GGA2: variants seen among roughly 807,000 people sequenced by gnomAD.
The protein encoded by GGA2 is golgi associated, gamma adaptin ear containing, ARF binding protein 2, also known as ADP-ribosylation factor-binding protein GGA2.
Under a neutral mutation model 79.5 loss-of-function variants are expected in GGA2, and 48 were observed. The observed-to-expected ratio is 0.60, with a 90% CI of 0.48 to 0.77. The LOEUF is 0.77. GGA2 is among the 30% of genes least tolerant of loss of function. GGA2 has a pLI of 0.00. For missense variants in GGA2, 770 were observed against 774.0 expected, an observed-to-expected ratio of 0.99 and a Z score of 0.06; for synonymous variants, 317 against 302.0, an observed-to-expected ratio of 1.05 and a Z score of -0.51.
At position 23,473,098 on chromosome 16, in the gene GGA2, TAA is replaced by T. The variant is rs368528042; in HGVS notation, c.1450+1804_1450+1805del. 3.1e-4 allele frequency among the ~76,000 whole-genome samples: 47 copies of T among 150,174 alleles called. 1 individual carries two copies. The East Asian group carries it at 4.1e-3, about 13-fold the overall frequency. ...CTCTACTTAATAGTGCATATATATA[TAA>T]GTTCATTAAAAATCAAGTTTTTAAA... On this transcript the variant is annotated intron_variant, in intron 14 of 16. Transcript: ENST00000309859.
chr16:23,491,544 A>C lies in GGA2; in HGVS notation c.475+133T>G, dbSNP rs1286615999. 30 of 576,468 alleles carry C rather than the reference A, an allele frequency of 5.2e-5. No individual in the cohort carries two copies. The Admixed American group carries it at 6.0e-4, about 12-fold the overall frequency. 35.7% of individuals were successfully genotyped at this position (576,468 alleles called of 1,614,324 possible). A position where few individuals can be genotyped will look rare whatever the true frequency, so the allele number is the denominator to read the frequency against. On this transcript the variant is annotated intron_variant, in intron 5 of 16. Coordinates refer to ENST00000309859, the MANE Select transcript of GGA2 (RefSeq NM_015044.4). ...GATTTATTGCGTAAAAAAAAAAAAAAAAAACTCTACCTCAGTGTCTATGGT... is the reference window on the plus strand; with the variant it reads ...GATTTATTGCGTAAAAAAAAAAAAACAAAACTCTACCTCAGTGTCTATGGT...
At chr16:23,514,407 C>T (rs969135520), upstream of GGA2, among the ~76,000 whole-genome samples, 5 of 151,850 alleles carry the variant, frequency 3.3e-5, no homozygotes, top group African/African-American at 4.8e-5. Flanking sequence ...TGTGCCCGGC[C>T]TGTAAAACTT....
At chr16:23,501,754 G>T (rs8061917) in intron 1 of GGA2, 3,971 of 157,988 alleles carry the variant, frequency 0.025, 82 homozygotes, top group African/African-American at 0.058. Context: ...AACAAAATTA[G>T]GATTTTCTTT....
At chr16:23,510,258 G>T in intron 1 of GGA2, 63 bp downstream of exon 1, 1 of 1,101,126 alleles carries the variant, frequency 9.1e-7, no homozygotes, top group Non-Finnish European at 1.2e-6. Context: ...GGCCCCGGGA[G>T]GCGGGAAGCG....
rs150778480 is a variant in GGA2 at position 23,479,282 on chromosome 16, A to T, written c.1130-371T>A. ...CAGGCATGTGCTTCCTGAGGAGACCAGCTCACTCCCCTACTCAGAACCCTG... is the reference window on the plus strand; with the variant it reads ...CAGGCATGTGCTTCCTGAGGAGACCTGCTCACTCCCCTACTCAGAACCCTG... On this transcript the variant is annotated intron_variant, in intron 11 of 16. Coordinates refer to ENST00000309859, the MANE Select transcript of GGA2 (RefSeq NM_015044.4). 8.7e-5 allele frequency among the ~76,000 whole-genome samples: 13 copies of T among 149,520 alleles called. No homozygotes were observed. The East Asian group carries it at 2.6e-3, about 30-fold the overall frequency.
chr16:23,491,273 C>A (rs1318392916), intron 5 of GGA2, among the ~76,000 whole-genome samples: 1 of 139,022 alleles, frequency 7.2e-6, no homozygotes, highest in Non-Finnish European at 1.5e-5. Context: ...CACCACTGTG[C>A]TCCAGCCTAG....
upstream of GGA2, among the ~76,000 whole-genome samples, chr16:23,513,783 C>CAAAAAAAAAAAAA (rs754377361): frequency 2.1e-5 from 1 of 47,132 alleles, no homozygotes; most frequent in African/African-American, 6.1e-5. Context: ...GACTCTGTCT[C>CAAAAAAAAAAAAA]AAAAAAAAAA....
intron 14 of GGA2, among the ~76,000 whole-genome samples, chr16:23,473,232 C>T (rs1964535838): frequency 6.8e-6 from 1 of 146,590 alleles, no homozygotes; most frequent in South Asian, 2.2e-4. Flanking sequence ...ACTGTATGTA[C>T]ATATATATGT....
chr16:23,517,626 C>T (rs1222032693), intron 2 of GGA2, among the ~76,000 whole-genome samples: 1 of 152,188 alleles, frequency 6.6e-6, no homozygotes, highest in East Asian at 1.9e-4. Context: ...CTGACTCCTA[C>T]TCTTGGTCCA....
intron 13 of GGA2, among the ~76,000 whole-genome samples, chr16:23,477,845 T>C (rs1437092658): frequency 1.3e-5 from 2 of 152,176 alleles, no homozygotes; most frequent in Non-Finnish European, 2.9e-5. Flanking sequence ...TAAACCTCTT[T>C]TTGTTTTTAA....
At chr16:23,495,471 A>AAT in intron 2 of GGA2, 1 of 349,908 alleles carries the variant, frequency 2.9e-6, no homozygotes, top group East Asian at 4.2e-5. Context: ...CTGCATTTCT[A>AAT]TTTTTTTGAG....
At chr16:23,489,648 A>G (rs1332042449) in intron 5 of GGA2, among the ~76,000 whole-genome samples, 1 of 152,242 alleles carries the variant, frequency 6.6e-6, no homozygotes, top group Non-Finnish European at 1.5e-5. Flanking sequence ...GGCAATACCA[A>G]TAGTAACAAC....
chr16:23,498,696 T>C (rs1964885371), intron 1 of GGA2, among the ~76,000 whole-genome samples: 2 of 152,244 alleles, frequency 1.3e-5, no homozygotes, highest in African/African-American at 4.8e-5. Flanking sequence ...GGATAATTGT[T>C]TATTATTACG....
intron 1 of GGA2, among the ~76,000 whole-genome samples, chr16:23,501,841 G>A (rs1209012509): frequency 6.6e-6 from 1 of 152,196 alleles, no homozygotes; most frequent in Admixed American, 6.5e-5. Flanking sequence ...ATGGTGGTAT[G>A]AACAGTGGGT....
At chr16:23,509,424 C>A (rs1056317422) in intron 1 of GGA2, among the ~76,000 whole-genome samples, 1 of 152,134 alleles carries the variant, frequency 6.6e-6, no homozygotes, top group East Asian at 1.9e-4. Context: ...ACAGGTGAAA[C>A]GAACGCCCTC....
intron 5 of GGA2, among the ~76,000 whole-genome samples, chr16:23,491,317 A>AC (rs1964783244): frequency 6.6e-6 from 1 of 151,380 alleles, no homozygotes; most frequent in African/African-American, 2.4e-5. Context: ...AAAAAAAAAA[A>AC]AAAAAAAAAA....
Position 23,478,451 on chromosome 16 carries a change from C to T in GGA2, c.1209G>A (p.Thr403=), listed in dbSNP as rs753593323. The part of the protein sequence containing the change: ...CEEKRNPSSS[T]LPGGGVQNPS... ...GGTTCTGAACACCACCGCCTGGCAG[C>T]GTGCTGGAGGAGGGATTCCTCTTTT... is the stretch of plus-strand genomic sequence containing the variant. Residue 403 remains threonine (T), a synonymous_variant, in exon 13 of 17, where the codon ACG becomes ACA. Transcript: ENST00000309859. 2.8e-5 allele frequency: 45 copies of T among 1,610,984 alleles called. No individual in the cohort carries two copies. The highest frequency in any genetic ancestry group is 3.6e-5 in the Non-Finnish European group (42 of 1,177,864).
intron 1 of GGA2, among the ~76,000 whole-genome samples, chr16:23,504,604 C>A (rs1276488575): frequency 2.0e-5 from 3 of 152,204 alleles, no homozygotes; most frequent in Non-Finnish European, 4.4e-5. Flanking sequence ...AAATGACCCC[C>A]AGGGGGCCAG....
intron 15 of GGA2, 92 bp downstream of exon 15, chr16:23,469,904 C>G: frequency 1.1e-6 from 1 of 945,098 alleles, no homozygotes; most frequent in Non-Finnish European, 1.5e-6. Flanking sequence ...AGTGAAGATT[C>G]TTTCCTTGAC....
Sources: allele counts gnomAD v4.1 joint callset (sites outside exome capture counted in the v4.1 genomes callset), GRCh38; gene constraint gnomAD v4.1.1; transcripts MANE v1.5; gene names NCBI Gene and HGNC (gene_info 2026-07-23, HGNC 2026-07-21).